KCNB2: variants seen among roughly 807,000 people sequenced by gnomAD.
The protein encoded by KCNB2 is delayed rectifier potassium channel protein.
A neutral mutation model predicts 61.5 loss-of-function variants in KCNB2; 15 were observed. That is an observed-to-expected ratio of 0.24 (90% CI 0.16 to 0.38). The LOEUF is 0.38. Among genes scored for constraint, KCNB2 ranks in the 10% least tolerant of loss-of-function variants. The pLI is 1.00. For synonymous variants in KCNB2, 457 were observed against 446.0 expected (o/e 1.02, Z -0.31); for missense variants, 828 against 1,125.2 (o/e 0.74, Z 3.78).
At chr8:72,677,297 G>C (rs1268348722) in intron 2 of KCNB2, among the ~76,000 whole-genome samples, 3 of 152,152 alleles carry the variant, frequency 2.0e-5, no homozygotes, top group African/African-American at 7.2e-5. Flanking sequence ...TATTGTTTCA[G>C]TCACTTGGAT....
intron 2 of KCNB2, among the ~76,000 whole-genome samples, chr8:72,719,250 A>G (rs1018130397): frequency 6.6e-6 from 1 of 152,162 alleles, no homozygotes; most frequent in Non-Finnish European, 1.5e-5. Context: ...TATTAGCCAC[A>G]TCTATAAGGA....
chr8:72,651,143 C>G (rs866980349), intron 2 of KCNB2, among the ~76,000 whole-genome samples: 1 of 152,116 alleles, frequency 6.6e-6, no homozygotes, highest in African/African-American at 2.4e-5. Flanking sequence ...AAACACTAAG[C>G]GTAGCCTAAT....
At chr8:72,546,651 A>C (rs530430803) in intron 1 of KCNB2, among the ~76,000 whole-genome samples, 42 of 152,318 alleles carry the variant, frequency 2.8e-4, no homozygotes, top group African/African-American at 9.6e-4. Context: ...ATTTCTTTAG[A>C]GACAGGGTCT....
At chr8:72,892,915 C>A (rs1805923051) in intron 2 of KCNB2, among the ~76,000 whole-genome samples, 1 of 151,984 alleles carries the variant, frequency 6.6e-6, no homozygotes, top group Non-Finnish European at 1.5e-5. Flanking sequence ...AGGAAATGGC[C>A]ATGATAACAT....
intron 2 of KCNB2, among the ~76,000 whole-genome samples, chr8:72,805,239 A>G (rs936029154): frequency 2.6e-5 from 4 of 152,218 alleles, no homozygotes; most frequent in Admixed American, 2.0e-4. Flanking sequence ...GAAAAATAAA[A>G]TAAACTTCAG....
intron 2 of KCNB2, among the ~76,000 whole-genome samples, chr8:72,659,646 T>C (rs1806348045): frequency 6.6e-6 from 1 of 152,146 alleles, no homozygotes; most frequent in Non-Finnish European, 1.5e-5. Flanking sequence ...GCGAACTTCA[T>C]TGTTGTCTTA....
intron 2 of KCNB2, chr8:72,750,662 A>G (rs1249476112): frequency 6.6e-6 from 1 of 152,010 alleles, no homozygotes; most frequent in Non-Finnish European, 1.5e-5. Context: ...ACTTGGTTTT[A>G]CTTTAGTTTG....
intron 2 of KCNB2, among the ~76,000 whole-genome samples, chr8:72,907,881 G>T (rs188022655): frequency 6.6e-6 from 1 of 152,200 alleles, no homozygotes; most frequent in East Asian, 1.9e-4. Context: ...GAATTAATAA[G>T]TTCTTACATT....
chr8:72,573,677 C>T (rs949952505), intron 2 of KCNB2, among the ~76,000 whole-genome samples: 16 of 151,854 alleles, frequency 1.1e-4, no homozygotes, highest in Middle Eastern at 6.8e-3. Flanking sequence ...CTCTTCTCTA[C>T]ATTGAGGCCC....
At chr8:72,623,371 C>T (rs985014602) in intron 2 of KCNB2, among the ~76,000 whole-genome samples, 6 of 152,010 alleles carry the variant, frequency 3.9e-5, no homozygotes, top group East Asian at 3.9e-4. Flanking sequence ...GGGTTGGAGA[C>T]GATTAGAGGG....
At chr8:72,716,444 C>T (rs1279687664) in intron 2 of KCNB2, among the ~76,000 whole-genome samples, 1 of 152,028 alleles carries the variant, frequency 6.6e-6, no homozygotes. Flanking sequence ...TCCAGCAACC[C>T]ATCAAAAAGC....
intron 2 of KCNB2, among the ~76,000 whole-genome samples, chr8:72,696,599 A>G (rs1231338267): frequency 1.3e-5 from 2 of 152,172 alleles, no homozygotes; most frequent in African/African-American, 2.4e-5. Flanking sequence ...GGAAAGGTAT[A>G]GTGGAAGAAC....
chr8:72,600,208 G>A lies in KCNB2; in HGVS notation c.579+31895G>A, dbSNP rs1021734574. Among the ~76,000 whole-genome samples, 28 of 152,216 alleles carry A rather than the reference G, an allele frequency of 1.8e-4. No individual in the cohort carries two copies. The East Asian group carries it at 5.0e-3, about 27-fold the overall frequency. On this transcript the variant is annotated intron_variant, in intron 2 of 2. Coordinates refer to ENST00000523207, the MANE Select transcript of KCNB2 (RefSeq NM_004770.3). ...GGAACCAACCCAAATGTCCAACAAT[G>A]ATAGACTGGATTAAGAAAATGTGGC...
chr8:72,856,461 C>G (rs1810209611), intron 2 of KCNB2, among the ~76,000 whole-genome samples: 1 of 152,006 alleles, frequency 6.6e-6, no homozygotes, highest in African/African-American at 2.4e-5. Context: ...AAACCTGAAA[C>G]TAAATTGAAC....
chr8:72,611,246 T>G (rs985301773), intron 2 of KCNB2, among the ~76,000 whole-genome samples: 4 of 152,224 alleles, frequency 2.6e-5, no homozygotes, highest in Admixed American at 2.6e-4. Flanking sequence ...TTTTTAAAGT[T>G]GATCAGTATT....
At chr8:72,573,933 A>G (rs576442607) in intron 2 of KCNB2, among the ~76,000 whole-genome samples, 2 of 152,316 alleles carry the variant, frequency 1.3e-5, no homozygotes, top group South Asian at 4.1e-4. Context: ...CATCCCATCT[A>G]TACAGATTAA....
At chr8:72,906,380 G>A (rs1806177072) in intron 2 of KCNB2, among the ~76,000 whole-genome samples, 1 of 152,106 alleles carries the variant, frequency 6.6e-6, no homozygotes, top group Non-Finnish European at 1.5e-5. Context: ...GAAGAGGTTT[G>A]GGTCACCTTC....
chr8:72,923,380 A>G (rs917530633), intron 2 of KCNB2, among the ~76,000 whole-genome samples: 10 of 152,120 alleles, frequency 6.6e-5, no homozygotes, highest in African/African-American at 2.4e-4. Context: ...CCAAAGATAT[A>G]TGTTTTGGGA....
chr8:72,593,615 T>C (rs1270433347), intron 2 of KCNB2, among the ~76,000 whole-genome samples: 1 of 152,182 alleles, frequency 6.6e-6, no homozygotes, highest in East Asian at 1.9e-4. Context: ...CTCTGACCTG[T>C]TTCTCATTTT....
Sources: gnomAD v4.1 joint callset for allele counts (sites outside exome capture counted in the v4.1 genomes callset) on GRCh38, gnomAD v4.1.1 for gene constraint, MANE v1.5 for transcripts, NCBI Gene and HGNC (gene_info 2026-07-23, HGNC 2026-07-21) for gene names.